The following PTPRM variants were observed in gnomAD, a reference collection of about 807,000 sequenced individuals.
PTPRM encodes the protein receptor-type tyrosine-protein phosphatase mu.
Under a neutral mutation model 186.7 loss-of-function variants are expected in PTPRM, and 47 were observed. That is an observed-to-expected ratio of 0.25 (90% confidence interval 0.20 to 0.32). The LOEUF (loss-of-function observed/expected upper bound fraction) is 0.32. Among genes scored for constraint, PTPRM ranks in the 10% least tolerant of loss-of-function variants. The probability of loss-of-function intolerance (pLI) is 1.00; values close to 1 mark genes in which losing one functional copy is unlikely to be tolerated. For synonymous variants in PTPRM, 668 were observed against 674.9 expected (o/e 0.99, Z 0.16); for missense variants, 1,494 against 1,865.0 (o/e 0.80, Z 3.66).
chr18:8,379,104 G>A (rs1169052636), intron 27 of PTPRM, 63 bp from the exon 28 acceptor site: 86 of 1,405,390 alleles, frequency 6.1e-5, no homozygotes, highest in Non-Finnish European at 7.9e-5. Flanking sequence ...TTCGAAAACT[G>A]CACGTGAGAG....
At chr18:7,907,400 A>G (rs2050043795) in intron 4 of PTPRM, among the ~76,000 whole-genome samples, 1 of 152,222 alleles carries the variant, frequency 6.6e-6, no homozygotes, top group Non-Finnish European at 1.5e-5. Context: ...CTAGACTCAG[A>G]TGATGAGCAG....
intron 2 of PTPRM, among the ~76,000 whole-genome samples, chr18:7,825,393 GA>G (rs1306042754): frequency 6.6e-6 from 1 of 152,126 alleles, no homozygotes; most frequent in Non-Finnish European, 1.5e-5. Context: ...GGAGTACCAT[GA>G]AAAAAATCAC....
intron 5 of PTPRM, among the ~76,000 whole-genome samples, chr18:7,939,791 G>A (rs189215149): frequency 1.2e-3 from 183 of 152,238 alleles, no homozygotes; most frequent in African/African-American, 3.6e-3. Context: ...AGAACAGTGC[G>A]ATGCCCATCC....
At chr18:8,024,386 A>G (rs542580775) in intron 7 of PTPRM, among the ~76,000 whole-genome samples, 2 of 152,238 alleles carry the variant, frequency 1.3e-5, no homozygotes, top group African/African-American at 4.8e-5. Flanking sequence ...TTACTGCCCC[A>G]TGGCTGTGGG....
chr18:8,300,018 A>G (rs2095139015), intron 20 of PTPRM, among the ~76,000 whole-genome samples: 1 of 152,200 alleles, frequency 6.6e-6, no homozygotes, highest in African/African-American at 2.4e-5. Flanking sequence ...CAGAGGTATC[A>G]GATGTGATTT....
intron 14 of PTPRM, among the ~76,000 whole-genome samples, chr18:8,242,779 T>C (rs1193295967): frequency 6.6e-6 from 1 of 152,224 alleles, no homozygotes. Flanking sequence ...GTAATAAAGA[T>C]TATCCGTATG....
intron 20 of PTPRM, among the ~76,000 whole-genome samples, chr18:8,313,415 CAT>C (rs1348807068): frequency 1.3e-5 from 2 of 151,936 alleles, no homozygotes; most frequent in Non-Finnish European, 2.9e-5. Flanking sequence ...TTTTAAAGGA[CAT>C]ATATTTTCAA....
chr18:8,134,726 C>A (rs1344733680), intron 13 of PTPRM, among the ~76,000 whole-genome samples: 1 of 151,970 alleles, frequency 6.6e-6, no homozygotes. Flanking sequence ...TTTCCTTTTT[C>A]ATTCTTTCCT....
intron 2 of PTPRM, among the ~76,000 whole-genome samples, chr18:7,846,598 G>A (rs2046609005): frequency 6.6e-6 from 1 of 152,204 alleles, no homozygotes; most frequent in Non-Finnish European, 1.5e-5. Context: ...TTACAGGATT[G>A]TTATTGGTTT....
chr18:7,946,041 A>T (rs1159153231), intron 5 of PTPRM, among the ~76,000 whole-genome samples: 2 of 152,214 alleles, frequency 1.3e-5, no homozygotes, highest in Non-Finnish European at 2.9e-5. Context: ...CTGAGCATTC[A>T]TATGACTCAC....
intron 2 of PTPRM, among the ~76,000 whole-genome samples, chr18:7,869,459 T>C (rs1378526550): frequency 6.6e-6 from 1 of 152,186 alleles, no homozygotes; most frequent in Non-Finnish European, 1.5e-5. Context: ...GAGAAGTTCC[T>C]TGACCCCTTG....
intron 1 of PTPRM, among the ~76,000 whole-genome samples, chr18:7,759,402 C>A (rs2041664168): frequency 6.6e-6 from 1 of 152,122 alleles, no homozygotes; most frequent in African/African-American, 2.4e-5. Context: ...TCCCAGCAAC[C>A]ACAAGTTCTT....
At chr18:7,701,102 G>A (rs144636381) in intron 1 of PTPRM, among the ~76,000 whole-genome samples, 9 of 151,668 alleles carry the variant, frequency 5.9e-5, no homozygotes, top group Middle Eastern at 3.4e-3. Flanking sequence ...TCAAGAGTTC[G>A]AGACCACCCT....
intron 2 of PTPRM, among the ~76,000 whole-genome samples, chr18:7,843,614 T>C (rs1252062330): frequency 6.6e-6 from 1 of 152,232 alleles, no homozygotes; most frequent in Non-Finnish European, 1.5e-5. Flanking sequence ...GAATGGGCTG[T>C]TGCATGAACA....
In PTPRM at chr18:8,189,815, T is replaced by A. The variant is rs552581336; in HGVS notation, c.2300+46036T>A. Among the ~76,000 whole-genome samples the A allele has an allele frequency of 5.9e-5, 9 of 152,342 alleles. No individual in the cohort carries two copies. The South Asian group carries it at 6.2e-4, about 11-fold the overall frequency. On this transcript the variant is annotated intron_variant, in intron 14 of 32. Transcript: ENST00000580170. ...AGCCCTCTTTTAAAATCCAACAAGA[T>A]AGTGTTCGTCAGTTTATTTTATTGA...
At chr18:7,928,182 A>C (rs117688159) in intron 5 of PTPRM, among the ~76,000 whole-genome samples, 1,609 of 151,994 alleles carry the variant, frequency 0.011, 14 homozygotes, top group South Asian at 0.027. Flanking sequence ...AGGATGTTCC[A>C]CCCCTCTGCC....
At chr18:8,273,579 T>A (rs1474506775) in intron 19 of PTPRM, among the ~76,000 whole-genome samples, 4 of 152,320 alleles carry the variant, frequency 2.6e-5, no homozygotes, top group African/African-American at 9.6e-5. Flanking sequence ...CTTCTTGTTT[T>A]CATTGCATTG....
intron 13 of PTPRM, among the ~76,000 whole-genome samples, chr18:8,140,549 A>G (rs1201241578): frequency 6.6e-6 from 1 of 151,512 alleles, no homozygotes; most frequent in African/African-American, 2.4e-5. Flanking sequence ...TGGCCATTAT[A>G]AAAATAATAA....
intron 3 of PTPRM, among the ~76,000 whole-genome samples, chr18:7,891,603 G>A (rs968383578): frequency 1.3e-5 from 2 of 152,012 alleles, no homozygotes; most frequent in Non-Finnish European, 2.9e-5. Context: ...GCAATGGCTC[G>A]TGCCTTTAGT....
Sources: gnomAD v4.1 joint callset for allele counts (sites outside exome capture counted in the v4.1 genomes callset) on GRCh38, gnomAD v4.1.1 for gene constraint, MANE v1.5 for transcripts, NCBI Gene and HGNC (gene_info 2026-07-23, HGNC 2026-07-21) for gene names.